CTNND1: variants seen among roughly 807,000 people sequenced by gnomAD.
CTNND1 encodes the protein catenin delta-1.
In CTNND1, 16 loss-of-function variants were observed where a neutral mutation model predicts 112.1. That is an observed-to-expected ratio of 0.14 (90% CI 0.10 to 0.22). CTNND1 has a LOEUF of 0.22. Among genes scored for constraint, CTNND1 ranks in the 10% least tolerant of loss-of-function variants. CTNND1 has a pLI of 1.00. For missense variants in CTNND1, 1,008 were observed against 1,257.0 expected (o/e 0.80, Z 3.00); for synonymous variants, 420 against 446.5 (o/e 0.94, Z 0.75).
In CTNND1 at chr11:57,799,568, G is replaced by C. The variant is rs575057997; in HGVS notation, c.957-2165G>C. ...AAAAAGCACTGAACCCTGAGACCTTGGTTCTAGTTGTGCCTTTGCCACTAG... is the reference window on the plus strand; with the variant it reads ...AAAAAGCACTGAACCCTGAGACCTTCGTTCTAGTTGTGCCTTTGCCACTAG... On this transcript the variant is annotated intron_variant, in intron 6 of 20. Transcript: ENST00000399050. 4.6e-4 allele frequency among the ~76,000 whole-genome samples: 70 copies of C among 152,290 alleles called. 1 individual carries two copies. The highest frequency in any genetic ancestry group is 2.3e-3 in the Admixed American group (35 of 15,294).
rs1317532513 is a variant in CTNND1 at position 57,819,354 on chromosome 11, G to T, written c.*3046G>T. The T allele has an allele frequency of 2.0e-5, 3 of 152,220 alleles. No individual in the cohort carries two copies. Among genetic ancestry groups the T allele is most frequent in the Admixed American group, 6.5e-5 (1 of 15,280 alleles). The allele number at this position is 152,220 out of a possible 1,614,324, so 9.4% of individuals were successfully genotyped here. A position where few individuals can be genotyped will look rare whatever the true frequency, so the allele number is the denominator to read the frequency against. On this transcript the variant is annotated 3_prime_UTR_variant, in exon 21 of 21. Transcript: ENST00000399050. ...AGCTATTAAGAGTTTACTTTCCAAA[G>T]AGTTTTGATAGCCCTGCTTGAGATG...
In CTNND1 at chr11:57,811,445, A is replaced by G; in HGVS notation, c.2597A>G (p.Asp866Gly). Residue 866 changes from aspartate to glycine, a missense_variant, in exon 17 of 21, where the codon GAT (aspartate) becomes GGT (glycine). By Grantham distance (94) the Asp-to-Gly change is moderately conservative. Around this residue, in one of 5 missense-constraint regions of CTNND1, gnomAD observed 28 missense variants for 60.6 expected, o/e 0.46. Coordinates refer to ENST00000399050, the MANE Select transcript of CTNND1 (RefSeq NM_001085458.2). ...CGAAGCCAGAGCAGTCATTCATATG[A>G]TGATAGTACTCTCCCTCTCATTGAC... ...ASRSQSSHSY[D>G]DSTLPLIDRN... The G allele has an allele frequency of 6.2e-7, 1 of 1,613,622 alleles. No homozygotes were observed. The highest frequency in any genetic ancestry group is 8.5e-7 in the Non-Finnish European group (1 of 1,179,774).
Position 57,783,613 on chromosome 11 carries a change from C to T in CTNND1, c.-213-5424C>T, listed in dbSNP as rs560336402. ...GGCGGAGCTTGCAGTGAGCCGAGAT[C>T]GCGCCACTGCACTCCATCCTGGGTG... On this transcript the variant is annotated intron_variant, in intron 1 of 20. Coordinates refer to ENST00000399050, the MANE Select transcript of CTNND1 (RefSeq NM_001085458.2). Among the ~76,000 whole-genome samples the T allele has an allele frequency of 1.3e-3, 198 of 151,518 alleles. 1 individual carries two copies. Among genetic ancestry groups the T allele is most frequent in the African/African-American group, 4.3e-3 (176 of 41,292 alleles).
chr11:57,802,343 A>C, intron 7 of CTNND1, 147 bp downstream of exon 7: 2 of 676,988 alleles, frequency 3.0e-6, no homozygotes, highest in Non-Finnish European at 4.9e-6. Flanking sequence ...ATTTGTTTGG[A>C]TCACACAGCA....
At chr11:57,816,108 C>A in intron 20 of CTNND1, 107 bp downstream of exon 20, 2 of 1,185,558 alleles carry the variant, frequency 1.7e-6, no homozygotes, top group South Asian at 1.4e-5. Flanking sequence ...TAAGTAGTCT[C>A]AGCCACATGG....
intron 1 of CTNND1, among the ~76,000 whole-genome samples, chr11:57,768,543 G>A (rs942223529): frequency 6.6e-6 from 1 of 151,510 alleles, no homozygotes; most frequent in African/African-American, 2.4e-5. Context: ...ACAGGCGCCC[G>A]CCACCACGCC....
intron 3 of CTNND1, 130 bp from the exon 4 acceptor site, chr11:57,793,880 T>G: frequency 2.5e-6 from 2 of 811,722 alleles, no homozygotes; most frequent in East Asian, 2.6e-5. Context: ...TTATGAGTAC[T>G]GACACAAGGA....
rs2060340535 is a variant in CTNND1 at position 57,788,333 on chromosome 11, G to A, written c.-213-704G>A. On this transcript the variant is annotated intron_variant, in intron 1 of 20. Coordinates refer to ENST00000399050, the MANE Select transcript of CTNND1 (RefSeq NM_001085458.2). This position sits in a 1 kb window ranked among gnomAD's most constrained non-coding sequence, Gnocchi z 4.1. The stretch of plus-strand genomic sequence containing the variant: ...TTTTGGACTGAAAGGAAGAAGAGTT[G>A]ATAGGCGATTATGGGAACTTCGAGC... Among the ~76,000 whole-genome samples, 1 of 152,216 alleles carries A rather than the reference G, an allele frequency of 6.6e-6. No individual in the cohort carries two copies. The highest frequency in any genetic ancestry group is 2.4e-5 in the African/African-American group (1 of 41,466).
chr11:57,804,762 G>A lies in CTNND1; in HGVS notation c.1704G>A (p.Gln568=). ...LIFIVQAEIG[Q]KDSDSKLVEN... ...TCATTGTTCAGGCTGAGATTGGGCA[G>A]AAGGATTCAGACAGCAAGGTAAGTG... Residue 568 remains glutamine (Q), a synonymous_variant, in exon 9 of 21, where the codon CAG becomes CAA. Coordinates refer to ENST00000399050, the MANE Select transcript of CTNND1 (RefSeq NM_001085458.2). 2 of 1,613,646 alleles carry A rather than the reference G, an allele frequency of 1.2e-6. No individual in the cohort carries two copies. Among genetic ancestry groups the A allele is most frequent in the Non-Finnish European group, 1.7e-6 (2 of 1,179,648 alleles).
intron 1 of CTNND1, among the ~76,000 whole-genome samples, chr11:57,770,867 C>A (rs921705758): frequency 9.2e-5 from 14 of 152,018 alleles, no homozygotes; most frequent in Non-Finnish European, 1.6e-4. Context: ...GGTGTATATT[C>A]AGTACACTTT....
At chr11:57,778,636 A>C (rs775701642) in intron 1 of CTNND1, among the ~76,000 whole-genome samples, 1 of 152,226 alleles carries the variant, frequency 6.6e-6, no homozygotes, top group Non-Finnish European at 1.5e-5. Context: ...TGAGCAGGGC[A>C]AAGTGGGGGC....
Position 57,791,530 on chromosome 11 carries a change from G to C in CTNND1, c.52G>C (p.Glu18Gln), listed in dbSNP as rs749249615. Residue 18 changes from glutamate (E) to glutamine (Q), a missense_variant, in exon 3 of 21, where the codon GAA (glutamate) becomes CAA (glutamine). Physicochemically the swap from Glu to Gln is conservative, Grantham distance 29. Around this residue, in one of 5 missense-constraint regions of CTNND1, gnomAD observed 404 missense variants for 457.9 expected, o/e 0.88. Transcript: ENST00000399050. ...STASILASVKEQEAQFEKLTR... is the reference protein window; with the variant it reads ...STASILASVKQQEAQFEKLTR... ...CGCCAGCATCTTGGCCTCTGTGAAG[G>C]AACAAGAGGCCCAGTTTGAGAAGCT... is the stretch of plus-strand genomic sequence containing the variant. 5.6e-6 allele frequency: 9 copies of C among 1,605,518 alleles called. No homozygotes were observed. Among genetic ancestry groups the C allele is most frequent in the Non-Finnish European group, 7.7e-6 (9 of 1,176,452 alleles).
intron 1 of CTNND1, among the ~76,000 whole-genome samples, chr11:57,770,952 C>A (rs530394414): frequency 6.6e-6 from 1 of 152,094 alleles, no homozygotes; most frequent in Admixed American, 6.6e-5. Context: ...GGGGGAAGTT[C>A]TGTAACCTCA....
chr11:57,815,593 G>T, intron 19 of CTNND1, 93 bp downstream of exon 19: 1 of 1,094,462 alleles, frequency 9.1e-7, no homozygotes, highest in Non-Finnish European at 1.4e-6. Flanking sequence ...TACAGAGAAA[G>T]ATCGCATCCT....
intron 1 of CTNND1, among the ~76,000 whole-genome samples, chr11:57,777,246 C>T (rs1279551494): frequency 6.6e-6 from 1 of 152,022 alleles, no homozygotes. Flanking sequence ...ATATTACTGC[C>T]CTACCCTTGC....
In CTNND1 at chr11:57,771,708, C is replaced by T. The variant is rs559968850; in HGVS notation, c.-214+9589C>T. Among the ~76,000 whole-genome samples the T allele has an allele frequency of 8.5e-5, 13 of 152,262 alleles. No individual in the cohort carries two copies. In the East Asian group the frequency reaches 1.7e-3, roughly 20 times the overall value. The stretch of plus-strand genomic sequence containing the variant: ...TCTCCACTTCAAACCCCAGAGACAA[C>T]GGCTGTTACCGAATTTTTGTGTCTT... On this transcript the variant is annotated intron_variant, in intron 1 of 20. Coordinates refer to ENST00000399050, the MANE Select transcript of CTNND1 (RefSeq NM_001085458.2).
chr11:57,809,323 G>C lies in CTNND1; in HGVS notation c.2292G>C (p.Gln764His), dbSNP rs752746113. Residue 764 changes from glutamine (Q) to histidine (H), a missense_variant, in exon 15 of 21, where the codon CAG becomes CAC. This residue lies in a region of CTNND1 where 254 missense variants were observed against 279.5 expected (regional missense o/e 0.91). Coordinates refer to ENST00000399050, the MANE Select transcript of CTNND1 (RefSeq NM_001085458.2). Reference protein sequence around the residue: ...NLVKNLPGGQQNSSWNFSEDT... With the variant: ...NLVKNLPGGQHNSSWNFSEDT... Reference sequence around the variant, plus strand: ...TAAAGAATCTGCCAGGAGGACAGCAGAACTCCTCTTGGAATTTCTCTGAGG... The same window carrying C: ...TAAAGAATCTGCCAGGAGGACAGCACAACTCCTCTTGGAATTTCTCTGAGG... 1.2e-5 allele frequency: 19 copies of C among 1,613,844 alleles called. No homozygotes were observed. The African/African-American group carries it at 2.4e-4, about 20-fold the overall frequency.
chr11:57,803,853 C>T (rs757538684), intron 8 of CTNND1, 49 bp downstream of exon 8: 3 of 1,283,534 alleles, frequency 2.3e-6, no homozygotes, highest in African/African-American at 1.5e-5. Context: ...TGAGGACTGA[C>T]TTAAATTTCC....
In CTNND1 at chr11:57,791,484, C is replaced by G. The variant is rs762148167; in HGVS notation, c.6C>G (p.Asp2Glu). M[D>E]DSEVESTASI... ...CGGCTCCGCCCCTTACCTTCATGGACGACTCAGAGGTGGAGTCGACCGCCA... is the reference window on the plus strand; with the variant it reads ...CGGCTCCGCCCCTTACCTTCATGGAGGACTCAGAGGTGGAGTCGACCGCCA... The change falls in exon 3 of 21, where the codon GAC (aspartate) becomes GAG (glutamate). Residue 2 changes from aspartate to glutamate, a missense_variant. Transcript: ENST00000399050. The G allele has an allele frequency of 6.6e-6, 10 of 1,517,334 alleles. No individual in the cohort carries two copies. Among genetic ancestry groups the G allele is most frequent in the African/African-American group, 1.4e-5 (1 of 71,326 alleles). The allele number at this position is 1,517,334 out of a possible 1,614,324, so 94.0% of individuals were successfully genotyped here.
Sources: gnomAD v4.1 joint callset for allele counts (sites outside exome capture counted in the v4.1 genomes callset) on GRCh38, gnomAD v4.1.1 for gene constraint, gnomAD v4.1.1 regional missense constraint, Gnocchi (gnomAD v3.1) non-coding constraint, MANE v1.5 for transcripts, NCBI Gene and HGNC (gene_info 2026-07-23, HGNC 2026-07-21) for gene names.